SUPT3H: variants seen among roughly 807,000 people sequenced by gnomAD.
SUPT3H encodes the protein SPT3 homolog, SAGA and STAGA complex component.
A neutral mutation model predicts 44.3 loss-of-function variants in SUPT3H; 44 were observed. The observed-to-expected ratio is 0.99, with a 90% CI of 0.78 to 1.28. SUPT3H has a LOEUF of 1.28. SUPT3H is among the 50% of genes most tolerant of loss of function. SUPT3H has a pLI of 0.00. For missense variants in SUPT3H, 380 were observed against 387.1 expected (o/e 0.98, Z 0.15); for synonymous variants, 124 against 125.6 (o/e 0.99, Z 0.09).
intron 2 of SUPT3H, among the ~76,000 whole-genome samples, chr6:45,145,571 A>G: frequency 6.6e-6 from 1 of 152,090 alleles, no homozygotes; most frequent in South Asian, 2.1e-4. Flanking sequence ...GATTCCAGAA[A>G]ATAACATTAG....
rs540107107 is a variant in SUPT3H at position 44,848,563 on chromosome 6, T to C, written c.913-18706A>G. On this transcript the variant is annotated intron_variant, in intron 10 of 10. Transcript: ENST00000371459. ...TGTGATAAGAACAGTATTAGAGTAA[T>C]AGTCTGTGTACATTTGTTGTGTGGA... Among the ~76,000 whole-genome samples the C allele has an allele frequency of 1.5e-4, 23 of 152,324 alleles. 1 individual carries two copies. Among genetic ancestry groups the C allele is most frequent in the Middle Eastern group, 3.4e-3 (1 of 294 alleles).
At chr6:45,098,934 AG>A in intron 3 of SUPT3H, 2 of 502,150 alleles carry the variant, frequency 4.0e-6, no homozygotes, top group Non-Finnish European at 7.9e-6. Context: ...AAGCATCCAG[AG>A]GAAAAGAAAA....
At chr6:45,161,538 C>A (rs1808967694) in intron 2 of SUPT3H, among the ~76,000 whole-genome samples, 1 of 152,122 alleles carries the variant, frequency 6.6e-6, no homozygotes, top group Admixed American at 6.6e-5. Flanking sequence ...CTCTCATAAA[C>A]TGCATTTTTT....
At chr6:45,162,718 T>A (rs574140651) in intron 2 of SUPT3H, among the ~76,000 whole-genome samples, 1 of 152,276 alleles carries the variant, frequency 6.6e-6, no homozygotes, top group South Asian at 2.1e-4. Flanking sequence ...AAGAAGAGAC[T>A]TCAAGTCCCT....
chr6:45,293,838 G>C (rs951346123), intron 2 of SUPT3H, among the ~76,000 whole-genome samples: 5 of 151,050 alleles, frequency 3.3e-5, no homozygotes, highest in Admixed American at 1.3e-4. Context: ...GACTGAAATG[G>C]TAATTTAAAA....
In SUPT3H at chr6:44,961,817, T is replaced by C. The variant is rs769792036; in HGVS notation, c.516A>G (p.Arg172=). Residue 172 remains arginine (R), a synonymous_variant, in exon 7 of 11, where the codon AGA becomes AGG. Coordinates refer to ENST00000371459, the MANE Select transcript of SUPT3H (RefSeq NM_003599.4). ...GAGCTGAATCCATAATTCGAGTTTGTCTTTCTGCTCTCTAAAAGATAAAAA... is the reference window on the plus strand; with the variant it reads ...GAGCTGAATCCATAATTCGAGTTTGCCTTTCTGCTCTCTAAAAGATAAAAA... The part of the protein sequence containing the change: ...VKQERMERAE[R]QTRIMDSAQY... The C allele has an allele frequency of 6.8e-6, 11 of 1,606,310 alleles. No individual in the cohort carries two copies. The South Asian group carries it at 1.2e-4, about 18-fold the overall frequency.
At position 45,041,762 on chromosome 6, in the gene SUPT3H, G is replaced by A. The variant is rs1694058053; in HGVS notation, c.187-21130C>T. Among the ~76,000 whole-genome samples, 6 of 152,152 alleles carry A rather than the reference G, an allele frequency of 3.9e-5. No individual in the cohort carries two copies. The South Asian group carries it at 1.2e-3, about 32-fold the overall frequency. ...TAGTCCTAGGTACAGGTAAAATTAA[G>A]TGTCTCCTACCAATAGGATATTGTA... On this transcript the variant is annotated intron_variant, in intron 3 of 10. Transcript: ENST00000371459.
At chr6:45,237,385 A>T (rs1305441999) in intron 2 of SUPT3H, among the ~76,000 whole-genome samples, 1 of 152,198 alleles carries the variant, frequency 6.6e-6, no homozygotes, top group Admixed American at 6.5e-5. Flanking sequence ...ACAACCTGGG[A>T]ATATTCAACC....
At chr6:45,081,208 C>T (rs1183974893) in intron 3 of SUPT3H, among the ~76,000 whole-genome samples, 1 of 151,968 alleles carries the variant, frequency 6.6e-6, no homozygotes, top group Non-Finnish European at 1.5e-5. Flanking sequence ...AATCTGGTCC[C>T]TATCTTACTT....
intron 6 of SUPT3H, among the ~76,000 whole-genome samples, chr6:44,981,767 C>T (rs1431627584): frequency 6.6e-6 from 1 of 151,404 alleles, no homozygotes; most frequent in Non-Finnish European, 1.5e-5. Flanking sequence ...TCTCTTATCT[C>T]AGGGAACTCC....
intron 2 of SUPT3H, among the ~76,000 whole-genome samples, chr6:45,202,449 A>G (rs1413653042): frequency 6.6e-6 from 1 of 152,076 alleles, no homozygotes; most frequent in Non-Finnish European, 1.5e-5. Context: ...CTACTGCAAC[A>G]AAAATTTAGG....
At chr6:44,834,459 T>A (rs1020996224) in intron 10 of SUPT3H, among the ~76,000 whole-genome samples, 2 of 152,110 alleles carry the variant, frequency 1.3e-5, no homozygotes, top group Admixed American at 1.3e-4. Context: ...AGGAGCACAG[T>A]CTGTCTGACT....
chr6:44,816,704 A>G (rs1766935069), intron 11 of SUPT3H, among the ~76,000 whole-genome samples: 1 of 152,212 alleles, frequency 6.6e-6, no homozygotes, highest in Non-Finnish European at 1.5e-5. Context: ...CTCCAGATCA[A>G]TACTTTTCAT....
intron 3 of SUPT3H, among the ~76,000 whole-genome samples, chr6:45,033,413 G>A (rs907481589): frequency 1.3e-5 from 2 of 152,046 alleles, no homozygotes; most frequent in Non-Finnish European, 2.9e-5. Context: ...CAGTCATGGG[G>A]CTGAGAAAGG....
intron 3 of SUPT3H, among the ~76,000 whole-genome samples, chr6:45,092,073 T>C (rs1040713882): frequency 6.6e-6 from 1 of 152,058 alleles, no homozygotes; most frequent in Admixed American, 6.5e-5. Flanking sequence ...TAACCTATAA[T>C]TGTGTGTATT....
At chr6:44,878,514 G>C (rs1274166362) in intron 10 of SUPT3H, among the ~76,000 whole-genome samples, 2 of 151,868 alleles carry the variant, frequency 1.3e-5, no homozygotes, top group Non-Finnish European at 2.9e-5. Flanking sequence ...TACTGTGTAT[G>C]TGTGTGAATC....
chr6:45,364,077 T>C (rs1794722057), intron 2 of SUPT3H, among the ~76,000 whole-genome samples: 1 of 151,196 alleles, frequency 6.6e-6, no homozygotes, highest in African/African-American at 2.4e-5. Context: ...ATTGTGCCAC[T>C]GCACTACAGC....
intron 2 of SUPT3H, among the ~76,000 whole-genome samples, chr6:45,324,020 G>A (rs1028669950): frequency 2.0e-5 from 3 of 152,030 alleles, no homozygotes; most frequent in Non-Finnish European, 4.4e-5. Flanking sequence ...ATGTAACATT[G>A]CATTGTGGGT....
intron 2 of SUPT3H, among the ~76,000 whole-genome samples, chr6:45,138,666 A>AAT (rs1284720581): frequency 6.6e-6 from 1 of 152,124 alleles, no homozygotes; most frequent in African/African-American, 2.4e-5. Context: ...AGAAGAGGCA[A>AAT]ATATATGAAG....
Sources: allele counts gnomAD v4.1 joint callset (sites outside exome capture counted in the v4.1 genomes callset), GRCh38; gene constraint gnomAD v4.1.1; transcripts MANE v1.5; gene names NCBI Gene and HGNC (gene_info 2026-07-23, HGNC 2026-07-21).